MYO7A: variants seen among roughly 807,000 people sequenced by gnomAD.
MYO7A encodes myosin VIIA, also known as unconventional myosin-VIIa.
Under a neutral mutation model 263.8 loss-of-function variants are expected in MYO7A, and 210 were observed. The observed-to-expected ratio is 0.80, with a 90% CI of 0.71 to 0.89. The LOEUF (loss-of-function observed/expected upper bound fraction) is 0.89. Ranked by LOEUF, MYO7A falls within the 40% of genes least tolerant of loss-of-function variation. The pLI, the probability that MYO7A is intolerant of heterozygous loss-of-function variation, is 0.00. For synonymous variants in MYO7A, 1,239 were observed against 1,197.3 expected (o/e 1.03, Z -0.72); for missense variants, 2,820 against 2,968.3 (o/e 0.95, Z 1.16).
intron 35 of MYO7A, 69 bp from the exon 36 acceptor site, chr11:77,201,379 C>G (rs944495541): frequency 6.7e-7 from 1 of 1,482,594 alleles, no homozygotes; most frequent in Non-Finnish European, 9.2e-7. Flanking sequence ...CACCTCAGTT[C>G]TTCTGTGGGA....
chr11:77,162,435 C>A, intron 13 of MYO7A, 105 bp downstream of exon 13: 1 of 1,131,676 alleles, frequency 8.8e-7, no homozygotes, highest in Non-Finnish European at 1.3e-6. Context: ...CTAATGATAC[C>A]CACCTCTCAA....
chr11:77,172,483 C>T (rs1159357760), intron 15 of MYO7A, among the ~76,000 whole-genome samples: 1 of 152,120 alleles, frequency 6.6e-6, no homozygotes, highest in Admixed American at 6.5e-5. Flanking sequence ...ACTCCCAGTG[C>T]GGAGATCTTC....
chr11:77,146,797 T>C (rs1430369867), intron 3 of MYO7A, among the ~76,000 whole-genome samples: 2 of 152,040 alleles, frequency 1.3e-5, no homozygotes, highest in Admixed American at 6.5e-5. Context: ...AGGGCTGACG[T>C]ACTCTCAGGC....
chr11:77,190,260 T>A, intron 29 of MYO7A, 121 bp downstream of exon 29: 1 of 1,040,302 alleles, frequency 9.6e-7, no homozygotes, highest in Non-Finnish European at 1.3e-6. Flanking sequence ...GATTCTGTGG[T>A]TCCTCAGACA....
chr11:77,195,159 C>T (rs1956543697), intron 32 of MYO7A, among the ~76,000 whole-genome samples: 1 of 152,102 alleles, frequency 6.6e-6, no homozygotes, highest in Non-Finnish European at 1.5e-5. Context: ...GATCTCACCC[C>T]TCCACCTCGT....
intron 16 of MYO7A, 95 bp from the exon 17 acceptor site, chr11:77,174,661 C>T: frequency 7.2e-7 from 1 of 1,379,404 alleles, no homozygotes; most frequent in Non-Finnish European, 9.8e-7. Flanking sequence ...TGGACTTGGC[C>T]TTTCTGAGCC....
In MYO7A at chr11:77,179,830, G is replaced by T; in HGVS notation, c.2463G>T (p.Gln821His). 6.5e-7 allele frequency: 1 copy of T among 1,544,690 alleles called. No individual in the cohort carries two copies. Among genetic ancestry groups the T allele is most frequent in the Non-Finnish European group, 8.7e-7 (1 of 1,147,430 alleles). The change falls in exon 21 of 49, where the codon CAG becomes CAT. Residue 821 changes from glutamine (Q) to histidine (H), a missense_variant. By Grantham distance (24) the Gln-to-His change is conservative. Transcript: ENST00000409709. ...RLARQRIIQFQARCRAYLVRK... is the reference protein window; with the variant it reads ...RLARQRIIQFHARCRAYLVRK... ...CCCGCCAGCGCATCATCCAGTTCCAGGCCCGCTGCCGCGCCTATCTGGTGC... is the reference window on the plus strand; with the variant it reads ...CCCGCCAGCGCATCATCCAGTTCCATGCCCGCTGCCGCGCCTATCTGGTGC...
Position 77,130,585 on chromosome 11 carries a change from G to A in MYO7A, c.-46-4G>A, listed in dbSNP as rs1444365582. ...GAAGCATGACATGGTCTCTCTCCCT[G>A]CAGAACTGTGCCTGGCCCAGTGGGC... On this transcript the variant is annotated splice_polypyrimidine_tract_variant and splice_region_variant and intron_variant, in intron 1 of 48. Transcript: ENST00000409709. 7.5e-6 allele frequency: 12 copies of A among 1,608,276 alleles called. No homozygotes were observed. Among genetic ancestry groups the A allele is most frequent in the Non-Finnish European group, 7.6e-6 (9 of 1,177,170 alleles).
intron 29 of MYO7A, 130 bp from the exon 30 acceptor site, chr11:77,190,567 T>C: frequency 2.5e-6 from 1 of 392,756 alleles, no homozygotes; most frequent in Admixed American, 6.5e-5. Flanking sequence ...ACAAGCAGTG[T>C]CCCAGTGAGG....
intron 22 of MYO7A, 21 bp downstream of exon 22, chr11:77,180,502 C>G: frequency 6.2e-7 from 1 of 1,600,130 alleles, no homozygotes; most frequent in Non-Finnish European, 8.5e-7. Context: ...AGCCTCCAGG[C>G]ACCTTAGGTG....
rs116767405 is a variant in MYO7A, at chr11:77,202,871, G to A, written c.5169-189G>A. Among the ~76,000 whole-genome samples, 3,349 of 150,758 alleles carry A rather than the reference G, an allele frequency of 0.022. 122 individuals are homozygous for A. Among genetic ancestry groups the A allele is most frequent in the African/African-American group, 0.077 (3,140 of 40,980 alleles). ...CTCGCCGCTGGGGTTTCACAGCTGA[G>A]AAAGAAAGGCCCAGTGACTGCCAGT... On this transcript the variant is annotated intron_variant, in intron 37 of 48. Coordinates refer to ENST00000409709, the MANE Select transcript of MYO7A (RefSeq NM_000260.4).
Position 77,202,391 on chromosome 11 carries a change from A to G in MYO7A, c.5135A>G (p.Tyr1712Cys), listed in dbSNP as rs1217341908. 2 of 1,555,116 alleles carry G rather than the reference A, an allele frequency of 1.3e-6. No individual in the cohort carries two copies. Among genetic ancestry groups the G allele is most frequent in the Non-Finnish European group, 1.7e-6 (2 of 1,149,030 alleles). Residue 1712 changes from tyrosine (Y) to cysteine (C), a missense_variant, in exon 37 of 49, where the codon TAC becomes TGC. Coordinates refer to ENST00000409709, the MANE Select transcript of MYO7A (RefSeq NM_000260.4). ...TAEPEVRAKP[Y>C]TLEEFSYDYF... Reference sequence around the variant, plus strand: ...GAGCCCGAGGTGCGTGCCAAGCCCTACACGCTGGAGGAGTTTTCCTATGAC... The same window carrying G: ...GAGCCCGAGGTGCGTGCCAAGCCCTGCACGCTGGAGGAGTTTTCCTATGAC...
intron 32 of MYO7A, among the ~76,000 whole-genome samples, chr11:77,196,813 C>A (rs1464127743): frequency 6.6e-6 from 1 of 152,178 alleles, no homozygotes; most frequent in Non-Finnish European, 1.5e-5. Flanking sequence ...TCTATAAAAA[C>A]CAGGATTTCA....
chr11:77,206,068 G>A (rs376372686), intron 40 of MYO7A, 29 bp from the exon 41 acceptor site: 197 of 1,555,008 alleles, frequency 1.3e-4, no homozygotes, highest in Non-Finnish European at 1.7e-4. Context: ...CCACGCACAT[G>A]CCCCCTGCTG....
rs1394439593 is a variant in MYO7A, at chr11:77,179,840, C to T, written c.2473C>T (p.Arg825Cys). 34 of 1,543,080 alleles carry T rather than the reference C, an allele frequency of 2.2e-5. No individual in the cohort carries two copies. The highest frequency in any genetic ancestry group is 3.9e-5 in the Admixed American group (2 of 51,048). ...QRIIQFQARC[R>C]AYLVRKAFRH... Reference sequence around the variant, plus strand: ...CATCATCCAGTTCCAGGCCCGCTGCCGCGCCTATCTGGTGCGCAAGGCCTT... The same window carrying T: ...CATCATCCAGTTCCAGGCCCGCTGCTGCGCCTATCTGGTGCGCAAGGCCTT... Residue 825 changes from arginine (R) to cysteine (C), a missense_variant, in exon 21 of 49, where the codon CGC (arginine) becomes TGC (cysteine). Transcript: ENST00000409709.
In MYO7A at chr11:77,199,590, C is replaced by T. The variant is rs1396503594; in HGVS notation, c.4624C>T (p.His1542Tyr). Residue 1542 changes from histidine (H) to tyrosine (Y), a missense_variant, in exon 35 of 49, where the codon CAC (histidine) becomes TAC (tyrosine). Transcript: ENST00000409709. ...GCSDLGCAAP[H>Y]SGWAGLTPAG... is the part of the protein sequence containing the mutation. ...CTCTGATCTTGGCTGTGCTGCGCCT[C>T]ACTCAGGCTGGGCAGGACTGACCCC... The T allele has an allele frequency of 1.3e-6, 2 of 1,581,368 alleles. No homozygotes were observed. The highest frequency in any genetic ancestry group is 2.3e-5 in the South Asian group (2 of 86,438).
Position 77,180,080 on chromosome 11 carries a change from G to T in MYO7A, c.2586+127G>T, listed in dbSNP as rs905895896. Reference sequence around the variant, plus strand: ...GACCTGCAGTTATGCCTGCTCTGAGGAGTGCACATACCTGGGACCAGACCC... The same window carrying T: ...GACCTGCAGTTATGCCTGCTCTGAGTAGTGCACATACCTGGGACCAGACCC... On this transcript the variant is annotated intron_variant, in intron 21 of 48. Coordinates refer to ENST00000409709, the MANE Select transcript of MYO7A (RefSeq NM_000260.4). The T allele has an allele frequency of 9.8e-6, 10 of 1,015,614 alleles. No individual in the cohort carries two copies. The African/African-American group carries it at 1.5e-4, about 15-fold the overall frequency. The allele number at this position is 1,015,614 out of a possible 1,614,324, so 62.9% of individuals were successfully genotyped here. A position where few individuals can be genotyped will look rare whatever the true frequency, so the allele number is the denominator to read the frequency against.
intron 24 of MYO7A, 107 bp downstream of exon 24, chr11:77,182,261 G>A (rs1955296744): frequency 3.4e-6 from 5 of 1,459,708 alleles, no homozygotes; most frequent in Non-Finnish European, 4.7e-6. Flanking sequence ...GGTCCCTGGG[G>A]GCCAGGGACC....
At chr11:77,194,686 T>C (rs1956508300) in intron 32 of MYO7A, among the ~76,000 whole-genome samples, 162 bp downstream of exon 32, 1 of 152,162 alleles carries the variant, frequency 6.6e-6, no homozygotes, top group African/African-American at 2.4e-5. Context: ...TCTCCTTCCA[T>C]CTGTGTGCCA....
Sources: gnomAD v4.1 joint callset for allele counts (sites outside exome capture counted in the v4.1 genomes callset) on GRCh38, gnomAD v4.1.1 for gene constraint, MANE v1.5 for transcripts, NCBI Gene and HGNC (gene_info 2026-07-23, HGNC 2026-07-21) for gene names.